TNR: variants seen among roughly 807,000 people sequenced by gnomAD.
TNR encodes the protein tenascin-R.
In TNR, 45 loss-of-function variants were observed where a neutral mutation model predicts 150.4. That is an observed-to-expected ratio of 0.30 (90% CI 0.24 to 0.38). The LOEUF (loss-of-function observed/expected upper bound fraction) is 0.38. TNR is among the 10% of genes least tolerant of loss of function. The pLI is 1.00. For synonymous variants in TNR, 687 were observed against 678.4 expected, an observed-to-expected ratio of 1.01 and a Z score of -0.20; for missense variants, 1,544 against 1,759.1, an observed-to-expected ratio of 0.88 and a Z score of 2.19.
chr1:175,359,942 C>T (rs1290393094), intron 14 of TNR, among the ~76,000 whole-genome samples: 1 of 152,162 alleles, frequency 6.6e-6, no homozygotes, highest in South Asian at 2.1e-4. Flanking sequence ...ATCCAGTTCT[C>T]CCCCAGTCGC....
At chr1:175,464,128 T>C (rs1656931814) in intron 2 of TNR, among the ~76,000 whole-genome samples, 1 of 152,190 alleles carries the variant, frequency 6.6e-6, no homozygotes, top group Non-Finnish European at 1.5e-5. Context: ...TCTCTTTTCC[T>C]CAACACTTAA....
intron 1 of TNR, among the ~76,000 whole-genome samples, chr1:175,686,755 T>G (rs1038162018): frequency 1.6e-4 from 24 of 152,220 alleles, no homozygotes; most frequent in African/African-American, 5.6e-4. Flanking sequence ...GATTTTCTGT[T>G]TCTGCATTAT....
intron 2 of TNR, among the ~76,000 whole-genome samples, chr1:175,435,315 C>G (rs1159409145): frequency 1.3e-5 from 2 of 152,092 alleles, no homozygotes; most frequent in East Asian, 3.9e-4. Context: ...GGGATTCCAG[C>G]CTGATGGATT....
chr1:175,387,063 G>C (rs1652974667), intron 7 of TNR, among the ~76,000 whole-genome samples: 2 of 152,308 alleles, frequency 1.3e-5, no homozygotes, highest in South Asian at 4.1e-4. Context: ...CACTGTGCAG[G>C]TCAGGGCAAC....
At chr1:175,621,409 C>T (rs1423224653) in intron 1 of TNR, among the ~76,000 whole-genome samples, 1 of 152,136 alleles carries the variant, frequency 6.6e-6, no homozygotes, top group Non-Finnish European at 1.5e-5. Flanking sequence ...ATCTGACACC[C>T]CCACCACACT....
chr1:175,564,778 C>G (rs1661574244), intron 1 of TNR, among the ~76,000 whole-genome samples: 1 of 152,180 alleles, frequency 6.6e-6, no homozygotes, highest in East Asian at 1.9e-4. Flanking sequence ...CAGGCAGGCC[C>G]TGGGAACCCA....
intron 1 of TNR, among the ~76,000 whole-genome samples, chr1:175,640,094 G>T (rs899843260): frequency 2.0e-5 from 3 of 152,208 alleles, no homozygotes; most frequent in Admixed American, 1.3e-4. Context: ...GTTACATAAA[G>T]CTTCTTGCAT....
rs147198227 is a variant in TNR, at chr1:175,441,544, T to C, written c.-63-34767A>G. Among the ~76,000 whole-genome samples, 721 of 152,336 alleles carry C rather than the reference T, an allele frequency of 4.7e-3. 1 individual carries two copies. Among genetic ancestry groups the C allele is most frequent in the Non-Finnish European group, 8.0e-3 (545 of 68,026 alleles). On this transcript the variant is annotated intron_variant, in intron 2 of 22. Coordinates refer to ENST00000367674, the MANE Select transcript of TNR (RefSeq NM_003285.3). The stretch of plus-strand genomic sequence containing the variant: ...CTTAGATTATTGTTCTTCCCTATTA[T>C]AGACATGGACAACATTCTGCCAGCT...
chr1:175,548,907 T>C (rs988222894), intron 1 of TNR, among the ~76,000 whole-genome samples: 1 of 152,190 alleles, frequency 6.6e-6, no homozygotes, highest in Admixed American at 6.5e-5. Context: ...TTCTGGAAAT[T>C]AGTGATTCAT....
intron 18 of TNR, among the ~76,000 whole-genome samples, chr1:175,342,574 T>G (rs1650575706): frequency 6.6e-6 from 1 of 152,178 alleles, no homozygotes; most frequent in South Asian, 2.1e-4. Context: ...CTCAGTGCAA[T>G]GTGGAGAATG....
At chr1:175,708,623 C>T (rs1202475387) in intron 1 of TNR, among the ~76,000 whole-genome samples, 2 of 152,098 alleles carry the variant, frequency 1.3e-5, no homozygotes, top group South Asian at 2.1e-4. Context: ...TGCCTCTGTG[C>T]GTGGAGACAG....
At chr1:175,355,751 C>T in intron 16 of TNR, 118 bp from the exon 17 acceptor site, 2 of 1,404,516 alleles carry the variant, frequency 1.4e-6, no homozygotes, top group Middle Eastern at 2.6e-4. Context: ...CACATGCTGA[C>T]CCCTGCTCTG....
At chr1:175,587,189 A>G (rs1662608272) in intron 1 of TNR, among the ~76,000 whole-genome samples, 1 of 152,198 alleles carries the variant, frequency 6.6e-6, no homozygotes, top group Admixed American at 6.5e-5. Context: ...GATTACCCCA[A>G]AAACTTCAGT....
chr1:175,711,156 T>C (rs1022845182), intron 1 of TNR, among the ~76,000 whole-genome samples: 3 of 152,156 alleles, frequency 2.0e-5, no homozygotes, highest in African/African-American at 7.2e-5. Context: ...GACTATATAC[T>C]ATGCCAGAGG....
chr1:175,634,339 T>C (rs543949406), intron 1 of TNR, among the ~76,000 whole-genome samples: 4 of 152,266 alleles, frequency 2.6e-5, no homozygotes, highest in African/African-American at 9.6e-5. Context: ...TGCCAACATC[T>C]CTTATCCCAC....
At chr1:175,604,772 C>T (rs562763228) in intron 1 of TNR, among the ~76,000 whole-genome samples, 7 of 152,156 alleles carry the variant, frequency 4.6e-5, no homozygotes, top group Non-Finnish European at 7.3e-5. Context: ...CATTTATGTG[C>T]GACAGTCCCT....
chr1:175,401,027 T>C (rs1371137413), intron 4 of TNR, among the ~76,000 whole-genome samples: 1 of 152,168 alleles, frequency 6.6e-6, no homozygotes. Context: ...TGGGAACCTG[T>C]AAAGTAATTT....
At chr1:175,709,308 TACACACAC>T (rs371591261) in intron 1 of TNR, among the ~76,000 whole-genome samples, 16 of 127,824 alleles carry the variant, frequency 1.3e-4, no homozygotes, top group African/African-American at 2.4e-4. Context: ...CACACACACA[TACACACAC>T]ACACACACAC....
At chr1:175,643,653 G>A (rs1464903053) in intron 1 of TNR, among the ~76,000 whole-genome samples, 1 of 152,220 alleles carries the variant, frequency 6.6e-6, no homozygotes, top group Non-Finnish European at 1.5e-5. Flanking sequence ...AGAGCCTAGA[G>A]AACTTTTAAT....
Sources: gnomAD v4.1 joint callset for allele counts (sites outside exome capture counted in the v4.1 genomes callset) on GRCh38, gnomAD v4.1.1 for gene constraint, MANE v1.5 for transcripts, NCBI Gene and HGNC (gene_info 2026-07-23, HGNC 2026-07-21) for gene names.